The following EXOSC9 variants were observed in gnomAD, a reference collection of about 807,000 sequenced individuals.
EXOSC9 encodes exosome component 9.
EXOSC9 carries 38 observed loss-of-function variants against 56.5 expected under a neutral mutation model. The observed-to-expected ratio is 0.67, with a 90% CI of 0.52 to 0.88. The LOEUF (loss-of-function observed/expected upper bound fraction) is 0.88. Among genes scored for constraint, EXOSC9 ranks in the 40% least tolerant of loss-of-function variants. The pLI, the probability that EXOSC9 is intolerant of heterozygous loss-of-function variation, is 0.00. For missense variants in EXOSC9, 559 were observed against 530.5 expected, an observed-to-expected ratio of 1.05 and a Z score of -0.53; for synonymous variants, 170 against 170.8, an observed-to-expected ratio of 0.99 and a Z score of 0.04.
intron 8 of EXOSC9, among the ~76,000 whole-genome samples, chr4:121,811,944 G>A (rs1727224672): frequency 6.6e-6 from 1 of 152,184 alleles, no homozygotes; most frequent in Admixed American, 6.5e-5. Flanking sequence ...CTGGTTCCCA[G>A]ACAAGTATGT....
chr4:121,807,266 G>A (rs1454819097), intron 5 of EXOSC9, among the ~76,000 whole-genome samples: 1 of 152,070 alleles, frequency 6.6e-6, no homozygotes, highest in East Asian at 1.9e-4. Context: ...CTCCAGCCTG[G>A]GCAACAAGAG....
At position 121,801,491 on chromosome 4, in the gene EXOSC9, G is replaced by A. The variant is rs767613036; in HGVS notation, c.66+1G>A. On this transcript the variant is annotated splice_donor_variant, in intron 1 of 11. Coordinates refer to ENST00000243498, the MANE Select transcript of EXOSC9 (RefSeq NM_005033.3). LOFTEE classifies it high-confidence loss of function. Reference sequence around the variant, plus strand: ...ACTCCGTGCCATCGAAGAGAAGAAGGTATGGTTTGGTGCCCGCAGAATTGC... The same window carrying A: ...ACTCCGTGCCATCGAAGAGAAGAAGATATGGTTTGGTGCCCGCAGAATTGC... The A allele has an allele frequency of 2.5e-6, 4 of 1,614,056 alleles. No individual in the cohort carries two copies. Among genetic ancestry groups the A allele is most frequent in the South Asian group, 1.1e-5 (1 of 91,088 alleles).
chr4:121,816,148 G>A (rs1282127978), intron 10 of EXOSC9: 1 of 652,506 alleles, frequency 1.5e-6, no homozygotes, highest in Non-Finnish European at 2.7e-6. Flanking sequence ...TAATAGAGCT[G>A]GGGTTTCACC....
intron 10 of EXOSC9, 150 bp downstream of exon 10, chr4:121,814,197 T>G (rs1488889849): frequency 2.0e-6 from 1 of 499,862 alleles, no homozygotes; most frequent in Non-Finnish European, 3.5e-6. Context: ...AGATGTATAG[T>G]GGATAAATAA....
intron 5 of EXOSC9, among the ~76,000 whole-genome samples, chr4:121,805,408 A>T (rs1315918784): frequency 6.6e-6 from 1 of 152,240 alleles, no homozygotes; most frequent in Non-Finnish European, 1.5e-5. Context: ...TATATAAATT[A>T]CATGCTAGAA....
rs192107279 is a variant in EXOSC9, at chr4:121,806,007, A to T, written c.522+1248A>T. ...TTTTGTAGAGATATGGTTTCACCAA[A>T]TTGCCCAGGCTGGTCTCGAACTCCT... On this transcript the variant is annotated intron_variant, in intron 5 of 11. Coordinates refer to ENST00000243498, the MANE Select transcript of EXOSC9 (RefSeq NM_005033.3). Among the ~76,000 whole-genome samples the T allele has an allele frequency of 1.6e-4, 25 of 151,984 alleles. 1 individual carries two copies. In the South Asian group the frequency reaches 2.1e-3, roughly 13 times the overall value.
chr4:121,811,217 T>A (rs1300510478), intron 7 of EXOSC9, among the ~76,000 whole-genome samples: 1 of 152,228 alleles, frequency 6.6e-6, no homozygotes, highest in Non-Finnish European at 1.5e-5. Context: ...TTATTAAGTG[T>A]GCAATAAATG....
rs748678518 is a variant in EXOSC9 at position 121,811,566 on chromosome 4, T to C, written c.739-17T>C. ...GGTTTATTGTCTTTAAACAACAGAATTCACTTTTATAAATAGGTTCTGAGA... is the reference window on the plus strand; with the variant it reads ...GGTTTATTGTCTTTAAACAACAGAACTCACTTTTATAAATAGGTTCTGAGA... On this transcript the variant is annotated splice_polypyrimidine_tract_variant and intron_variant, in intron 7 of 11. Transcript: ENST00000243498. 11 of 1,460,994 alleles carry C rather than the reference T, an allele frequency of 7.5e-6. No homozygotes were observed. In the Admixed American group the frequency reaches 1.8e-4, roughly 24 times the overall value. 90.5% of individuals were successfully genotyped at this position (1,460,994 alleles called of 1,614,324 possible). A position where few individuals can be genotyped will look rare whatever the true frequency, so the allele number is the denominator to read the frequency against.
In EXOSC9 at chr4:121,813,308, C is replaced by T; in HGVS notation, c.902C>T (p.Ala301Val). The change falls in exon 9 of 12, where the codon GCC (alanine) becomes GTC (valine). Residue 301 changes from alanine to valine, a missense_variant. By Grantham distance (64) the Ala-to-Val change is moderately conservative. Coordinates refer to ENST00000243498, the MANE Select transcript of EXOSC9 (RefSeq NM_005033.3). ...QRITAFKMEKAPIDTSDVEEK... is the reference protein window; with the variant it reads ...QRITAFKMEKVPIDTSDVEEK... ...ATCACAGCATTTAAAATGGAAAAGG[C>T]CCCTATTGATACCTCGGATGTAGAA... 2 of 1,613,068 alleles carry T rather than the reference C, an allele frequency of 1.2e-6. No individual in the cohort carries two copies. Among genetic ancestry groups the T allele is most frequent in the East Asian group, 2.2e-5 (1 of 44,846 alleles).
At position 121,801,457 on chromosome 4, in the gene EXOSC9, C is replaced by G. The variant is rs999019740; in HGVS notation, c.33C>G (p.Arg11=). The G allele has an allele frequency of 1.2e-6, 2 of 1,614,092 alleles. No homozygotes were observed. Among genetic ancestry groups the G allele is most frequent in the African/African-American group, 2.7e-5 (2 of 74,942 alleles). The change falls in exon 1 of 12, where the codon CGC becomes CGG. Residue 11 remains arginine, a synonymous_variant. Transcript: ENST00000243498. ...AAACGCCACTCTCAAACTGCGAACG[C>G]CGCTTCCTACTCCGTGCCATCGAAG... The part of the protein sequence containing the change: MKETPLSNCE[R]RFLLRAIEEK...
rs115001167 is a variant in EXOSC9 at position 121,808,567 on chromosome 4, G to A, written c.605+945G>A. 2.3e-3 allele frequency among the ~76,000 whole-genome samples: 342 copies of A among 151,954 alleles called. 3 individuals carry two copies. Among genetic ancestry groups the A allele is most frequent in the African/African-American group, 7.8e-3 (324 of 41,454 alleles). On this transcript the variant is annotated intron_variant, in intron 6 of 11. Coordinates refer to ENST00000243498, the MANE Select transcript of EXOSC9 (RefSeq NM_005033.3). ...TGTAAAAAAGAGGTTTTGCCATATT[G>A]CCCAGGCTGGTCTGGAACTCCTGAG...
chr4:121,814,545 A>T (rs879920413), intron 10 of EXOSC9: 2 of 152,370 alleles, frequency 1.3e-5, no homozygotes, highest in Non-Finnish European at 2.9e-5. Context: ...ATCCCATATC[A>T]TAACATATAA....
intron 1 of EXOSC9, 96 bp downstream of exon 1, chr4:121,801,586 A>G (rs1726866205): frequency 1.7e-6 from 2 of 1,185,434 alleles, no homozygotes; most frequent in Non-Finnish European, 2.5e-6. Flanking sequence ...GGGAGCTACT[A>G]GGGGAACGAC....
intron 6 of EXOSC9, 51 bp downstream of exon 6, chr4:121,807,673 T>C: frequency 9.4e-7 from 1 of 1,068,892 alleles, no homozygotes; most frequent in East Asian, 2.4e-5. Flanking sequence ...CTAGGAATTT[T>C]ATTGCTCTAC....
intron 7 of EXOSC9, 93 bp downstream of exon 7, chr4:121,810,192 C>T: frequency 4.6e-6 from 5 of 1,085,940 alleles, no homozygotes; most frequent in Non-Finnish European, 7.0e-6. Context: ...GGGGATACTT[C>T]CAGTGATTTA....
intron 5 of EXOSC9, among the ~76,000 whole-genome samples, chr4:121,805,748 T>A (rs1392839977): frequency 1.3e-5 from 2 of 152,120 alleles, no homozygotes; most frequent in Non-Finnish European, 2.9e-5. Flanking sequence ...AAGTTTTAAG[T>A]GTAGACAGCA....
chr4:121,807,433 C>CA, intron 5 of EXOSC9, 107 bp from the exon 6 acceptor site: 1 of 587,814 alleles, frequency 1.7e-6, no homozygotes, highest in Non-Finnish European at 3.0e-6. Context: ...TTTAGGTACT[C>CA]AAAAGAATAA....
chr4:121,807,175 A>G (rs1727045435), intron 5 of EXOSC9, among the ~76,000 whole-genome samples: 1 of 152,130 alleles, frequency 6.6e-6, no homozygotes, highest in African/African-American at 2.4e-5. Context: ...CTGTAATCCC[A>G]CCTACTTGGG....
intron 5 of EXOSC9, 33 bp downstream of exon 5, chr4:121,804,792 T>A: frequency 1.3e-6 from 2 of 1,527,178 alleles, no homozygotes; most frequent in Non-Finnish European, 1.8e-6. Flanking sequence ...ATCCTTGATA[T>A]GAATGAATGA....
Sources: allele counts gnomAD v4.1 joint callset (sites outside exome capture counted in the v4.1 genomes callset), GRCh38; gene constraint gnomAD v4.1.1; transcripts MANE v1.5; gene names NCBI Gene and HGNC (gene_info 2026-07-23, HGNC 2026-07-21).